The following HMGXB3 variants were observed in gnomAD, a reference collection of about 807,000 sequenced individuals.
HMGXB3 encodes the protein HMG domain-containing protein 3.
A neutral mutation model predicts 121.5 loss-of-function variants in HMGXB3; 45 were observed. The ratio of observed to expected loss-of-function variants is 0.37; its 90% CI spans 0.29 to 0.47. The LOEUF is 0.47. HMGXB3 is among the 20% of genes least tolerant of loss of function. HMGXB3 has a pLI of 0.99. For missense variants in HMGXB3, 1,376 were observed against 1,602.2 expected (o/e 0.86, Z 2.41); for synonymous variants, 590 against 624.1 (o/e 0.95, Z 0.81).
intron 9 of HMGXB3, 188 bp from the exon 10 acceptor site, chr5:150,030,553 C>T (rs1215273729): frequency 3.8e-5 from 22 of 575,358 alleles, no homozygotes; most frequent in South Asian, 3.1e-4. Context: ...TGTGGCAAGG[C>T]CTGGACTTGA....
At chr5:150,037,719 G>A (rs1280484850) in intron 13 of HMGXB3, among the ~76,000 whole-genome samples, 192 bp downstream of exon 13, 1 of 152,134 alleles carries the variant, frequency 6.6e-6, no homozygotes, top group African/African-American at 2.4e-5. Flanking sequence ...GCTCTCAACT[G>A]GGATCTTTAA....
At chr5:150,017,021 G>T (rs1299815689) in intron 5 of HMGXB3, among the ~76,000 whole-genome samples, 2 of 152,152 alleles carry the variant, frequency 1.3e-5, no homozygotes, top group African/African-American at 4.8e-5. Flanking sequence ...CTGCAGCTTT[G>T]ACTCATGGAG....
In HMGXB3 at chr5:150,045,541, A is replaced by T; in HGVS notation, c.2806A>T (p.Ile936Phe). Residue 936 changes from isoleucine to phenylalanine, a missense_variant, in exon 16 of 20, where the codon ATT becomes TTT. Around this residue, in one of 2 missense-constraint regions of HMGXB3, gnomAD observed 1,116 missense variants for 1,369.0 expected, o/e 0.82. Coordinates refer to ENST00000502717, the MANE Select transcript of HMGXB3 (RefSeq NM_014983.3). ...TTGGGCCACGATGGAGACAGAGGTG[A>T]TTGAGCAGGTGGCATTTCCTGCCAG... Reference protein sequence around the residue: ...DFWATMETEVIEQVAFPASIP... With the variant: ...DFWATMETEVFEQVAFPASIP... The T allele has an allele frequency of 6.4e-7, 1 of 1,552,260 alleles. No homozygotes were observed. Among genetic ancestry groups the T allele is most frequent in the Non-Finnish European group, 8.7e-7 (1 of 1,147,114 alleles).
chr5:150,025,958 G>A (rs1032124800), intron 7 of HMGXB3, among the ~76,000 whole-genome samples: 2 of 151,990 alleles, frequency 1.3e-5, no homozygotes, highest in Non-Finnish European at 2.9e-5. Context: ...AGCCTCCCGA[G>A]TAGCTGGGAC....
intron 3 of HMGXB3, among the ~76,000 whole-genome samples, chr5:150,009,653 T>C (rs1251098144): frequency 6.6e-6 from 1 of 152,218 alleles, no homozygotes; most frequent in African/African-American, 2.4e-5. Flanking sequence ...TTGAGCGTTA[T>C]ACATTCTAAT....
At chr5:150,033,713 G>A (rs921416879) in intron 11 of HMGXB3, among the ~76,000 whole-genome samples, 2 of 152,184 alleles carry the variant, frequency 1.3e-5, no homozygotes, top group Non-Finnish European at 2.9e-5. Context: ...GTTATTTCAA[G>A]AGGGGAATTT....
At chr5:150,009,992 C>T (rs1755790841) in intron 3 of HMGXB3, 119 bp from the exon 4 acceptor site, 16 of 1,107,236 alleles carry the variant, frequency 1.4e-5, no homozygotes, top group Non-Finnish European at 2.0e-5. Flanking sequence ...AGAGTTTTTC[C>T]AGTCCCTTTT....
chr5:150,045,433 C>T, intron 15 of HMGXB3, 33 bp from the exon 16 acceptor site: 1 of 1,507,476 alleles, frequency 6.6e-7, no homozygotes, highest in Non-Finnish European at 9.0e-7. Context: ...CTGTGACTCC[C>T]ACAGTTTGAC....
rs1413666564 is a variant in HMGXB3, at chr5:150,007,495, A to G, written c.312+848A>G. On this transcript the variant is annotated intron_variant, in intron 3 of 19. Transcript: ENST00000502717. ...TTGGTAATGTAGAGCAACAGCAACA[A>G]CTACGTTATAGCAGAACAGGTTGTA... Among the ~76,000 whole-genome samples the G allele has an allele frequency of 2.6e-5, 4 of 152,236 alleles. No homozygotes were observed. In the East Asian group the frequency reaches 7.7e-4, roughly 29 times the overall value.
In HMGXB3 at chr5:150,024,664, C is replaced by G; in HGVS notation, c.1444C>G (p.Pro482Ala). 1.3e-6 allele frequency: 2 copies of G among 1,545,360 alleles called. No individual in the cohort carries two copies. Among genetic ancestry groups the G allele is most frequent in the Non-Finnish European group, 1.7e-6 (2 of 1,143,960 alleles). Reference sequence around the variant, plus strand: ...AAGTACCTCCAGTCCACTCCCTGCTCCTAAAAAACCTACAGGGTAAGTCAG... The same window carrying G: ...AAGTACCTCCAGTCCACTCCCTGCTGCTAAAAAACCTACAGGGTAAGTCAG... ...GTSTSSPLPA[P>A]KKPTGADLLT... Residue 482 changes from proline to alanine, a missense_variant, in exon 7 of 20, where the codon CCT (proline) becomes GCT (alanine). Transcript: ENST00000502717.
chr5:150,045,208 TAAAC>T (rs1054413697), intron 15 of HMGXB3, among the ~76,000 whole-genome samples: 2 of 152,162 alleles, frequency 1.3e-5, no homozygotes, highest in Non-Finnish European at 2.9e-5. Context: ...GAAAATGACA[TAAAC>T]AAAGGTATAG....
At chr5:150,050,609 G>A (rs1756867826) in intron 19 of HMGXB3, 148 bp downstream of exon 19, 1 of 620,450 alleles carries the variant, frequency 1.6e-6, no homozygotes, top group South Asian at 1.9e-5. Context: ...AGCCTCCCGA[G>A]TAGCTGGGAT....
At chr5:150,020,970 TG>T (rs1375359530) in intron 6 of HMGXB3, among the ~76,000 whole-genome samples, 2 of 152,170 alleles carry the variant, frequency 1.3e-5, no homozygotes, top group Admixed American at 6.5e-5. Context: ...GTCGAACTCC[TG>T]GCCTCAAGTG....
intron 3 of HMGXB3, among the ~76,000 whole-genome samples, chr5:150,007,412 G>A (rs1483357997): frequency 6.6e-6 from 1 of 152,130 alleles, no homozygotes; most frequent in Non-Finnish European, 1.5e-5. Flanking sequence ...GTTGCAGGCT[G>A]GAACCTTTTA....
chr5:150,037,450 A>G lies in HMGXB3; in HGVS notation c.2336A>G (p.Gln779Arg). ...TGGCTGCTGACAGCCAGCCGTCTGC[A>G]GACAGTGACTGCCCAGGTGAAGATG... ...ECWLLTASRL[Q>R]TVTAQVKMCL... The change falls in exon 13 of 20, where the codon CAG (glutamine) becomes CGG (arginine). Residue 779 changes from glutamine (Q) to arginine (R), a missense_variant. By Grantham distance (43) the Gln-to-Arg change is conservative (BLOSUM62 1). Transcript: ENST00000502717. 1 of 1,551,366 alleles carries G rather than the reference A, an allele frequency of 6.4e-7. No homozygotes were observed. Among genetic ancestry groups the G allele is most frequent in the Non-Finnish European group, 8.7e-7 (1 of 1,146,782 alleles).
At chr5:150,004,039 T>G (rs1755640547) in intron 1 of HMGXB3, among the ~76,000 whole-genome samples, 1 of 152,020 alleles carries the variant, frequency 6.6e-6, no homozygotes. Context: ...AAAAAAGATT[T>G]TTATTTTTTT....
intron 2 of HMGXB3, among the ~76,000 whole-genome samples, chr5:150,005,975 G>C (rs1755693802): frequency 6.6e-6 from 1 of 152,188 alleles, no homozygotes; most frequent in Non-Finnish European, 1.5e-5. Flanking sequence ...ATGAGCCTTT[G>C]CTTCCAGGTT....
At chr5:150,028,541 G>GTGTGTGTT (rs1203886454) in intron 9 of HMGXB3, among the ~76,000 whole-genome samples, 1 of 42,086 alleles carries the variant, frequency 2.4e-5, no homozygotes, top group Admixed American at 3.0e-4. Context: ...GTGTGTGTGT[G>GTGTGTGTT]TATATATATA....
rs192191810 is a variant in HMGXB3 at position 150,025,373 on chromosome 5, A to G, written c.1460+693A>G. Among the ~76,000 whole-genome samples, 214 of 152,298 alleles carry G rather than the reference A, an allele frequency of 1.4e-3. 2 individuals are homozygous for G. In the South Asian group the frequency reaches 0.035, roughly 25 times the overall value. On this transcript the variant is annotated intron_variant, in intron 7 of 19. Coordinates refer to ENST00000502717, the MANE Select transcript of HMGXB3 (RefSeq NM_014983.3). ...TATCAATGGTTCTCAACTGGTAACA[A>G]TTGTGCCCGCAATGAACACCAGAAG...
Sources: allele counts gnomAD v4.1 joint callset (sites outside exome capture counted in the v4.1 genomes callset), GRCh38; gene constraint gnomAD v4.1.1; regional missense constraint gnomAD v4.1.1; transcripts MANE v1.5; gene names NCBI Gene and HGNC (gene_info 2026-07-23, HGNC 2026-07-21).